PAM: variants seen among roughly 807,000 people sequenced by gnomAD.
The protein encoded by PAM is peptidylglycine alpha-amidating monooxygenase.
A neutral mutation model predicts 122.1 loss-of-function variants in PAM; 72 were observed. That is an observed-to-expected ratio of 0.59 (90% CI 0.49 to 0.72). The LOEUF (loss-of-function observed/expected upper bound fraction) is 0.72, where lower values mean the gene tolerates loss of function less well. Among genes scored for constraint, PAM ranks in the 30% least tolerant of loss-of-function variants. The probability of loss-of-function intolerance (pLI) is 0.00; values close to 1 mark genes in which losing one functional copy is unlikely to be tolerated. For missense variants in PAM, 1,106 were observed against 1,183.7 expected (o/e 0.93, Z 0.96); for synonymous variants, 389 against 404.4 (o/e 0.96, Z 0.46).
At chr5:103,008,610 C>T (rs1582856350) in intron 20 of PAM, among the ~76,000 whole-genome samples, 1 of 152,016 alleles carries the variant, frequency 6.6e-6, no homozygotes, top group East Asian at 1.9e-4. Flanking sequence ...TTATAAGTTG[C>T]ATATGGCTAC....
chr5:102,829,201 A>T lies in PAM; in HGVS notation c.-373-36622A>T, dbSNP rs531454600. The stretch of plus-strand genomic sequence containing the variant: ...GGTTGTGTACTCTAAATTTTGACCG[A>T]AAGTCATACGTACAAAATGTATTCT... On this transcript the variant is annotated intron_variant, in intron 1 of 25. Transcript: ENST00000438793. Among the ~76,000 whole-genome samples the T allele has an allele frequency of 2.6e-4, 40 of 152,290 alleles. No individual in the cohort carries two copies. In the South Asian group the frequency reaches 6.4e-3, roughly 25 times the overall value.
intron 7 of PAM, among the ~76,000 whole-genome samples, chr5:102,928,274 A>G (rs1446016899): frequency 6.6e-6 from 1 of 152,182 alleles, no homozygotes; most frequent in African/African-American, 2.4e-5. Context: ...AAAACACATG[A>G]TATATGCTTG....
chr5:102,961,026 T>C (rs2150237874), intron 13 of PAM, 132 bp from the exon 14 acceptor site: 1 of 438,844 alleles, frequency 2.3e-6, no homozygotes, highest in East Asian at 4.1e-5. Context: ...TTCTGTCTTA[T>C]AAATTCTTAA....
intron 3 of PAM, among the ~76,000 whole-genome samples, chr5:102,893,013 G>T (rs1466322252): frequency 1.3e-5 from 2 of 151,686 alleles, no homozygotes; most frequent in African/African-American, 4.8e-5. Context: ...TGTGACCTCT[G>T]GGTATCAAGG....
chr5:102,803,633 AT>A (rs1486948282), intron 1 of PAM, among the ~76,000 whole-genome samples: 1 of 151,994 alleles, frequency 6.6e-6, no homozygotes, highest in Non-Finnish European at 1.5e-5. Context: ...TTTGTTTTTC[AT>A]TTCTAAAAGT....
chr5:102,923,803 G>T (rs1581737920), intron 5 of PAM, among the ~76,000 whole-genome samples: 1 of 152,284 alleles, frequency 6.6e-6, no homozygotes, highest in East Asian at 1.9e-4. Flanking sequence ...CTAAGGGGTG[G>T]TTCTAAAATT....
intron 17 of PAM, among the ~76,000 whole-genome samples, chr5:103,003,848 G>C (rs3756582): frequency 0.25 from 37,932 of 151,798 alleles, 5,251 homozygotes; most frequent in East Asian, 0.44. Flanking sequence ...CCGTCTCAAA[G>C]TGAATACTAA....
rs996672144 is a variant in PAM at position 103,017,717 on chromosome 5, G to A, written c.2431+284G>A. ...TCCAGCTTAGTTCCAGAAGGAGAGA[G>A]GGGGCTTTGGCAAAGCAGAGGGGCT... On this transcript the variant is annotated intron_variant, in intron 22 of 25. Transcript: ENST00000438793. Among the ~76,000 whole-genome samples the A allele has an allele frequency of 2.6e-5, 4 of 152,168 alleles. No individual in the cohort carries two copies. In the East Asian group the frequency reaches 7.7e-4, roughly 29 times the overall value.
At chr5:102,958,992 G>A (rs1933759511) in intron 12 of PAM, among the ~76,000 whole-genome samples, 1 of 152,154 alleles carries the variant, frequency 6.6e-6, no homozygotes, top group East Asian at 1.9e-4. Context: ...TTGTGAAGGT[G>A]TACTTAAATG....
Position 102,990,385 on chromosome 5 carries a change from C to A in PAM, c.1597C>A (p.His533Asn). The A allele has an allele frequency of 6.2e-7, 1 of 1,601,224 alleles. No individual in the cohort carries two copies. The highest frequency in any genetic ancestry group is 1.1e-5 in the South Asian group (1 of 88,764). Reference sequence around the variant, plus strand: ...CCTGGTGATTTTCCACAGAGGTGACCATGTCTGGGATGGAAAGTAAGTAAT... The same window carrying A: ...CCTGGTGATTTTCCACAGAGGTGACAATGTCTGGGATGGAAAGTAAGTAAT... ...NNLVIFHRGD[H>N]VWDGNSFDSK... is the part of the protein sequence containing the mutation. Residue 533 changes from histidine to asparagine, a missense_variant, in exon 16 of 26, where the codon CAT becomes AAT. Around this residue, in one of 3 missense-constraint regions of PAM, gnomAD observed 670 missense variants for 690.3 expected, o/e 0.97. Coordinates refer to ENST00000438793, the MANE Select transcript of PAM (RefSeq NM_001177306.2).
intron 18 of PAM, among the ~76,000 whole-genome samples, chr5:103,005,531 A>G (rs1778694444): frequency 6.6e-6 from 1 of 152,168 alleles, no homozygotes; most frequent in African/African-American, 2.4e-5. Flanking sequence ...CTAATTTCTC[A>G]TAGTATCCTT....
intron 1 of PAM, among the ~76,000 whole-genome samples, chr5:102,859,128 T>C (rs1204484314): frequency 6.6e-6 from 1 of 152,212 alleles, no homozygotes; most frequent in Non-Finnish European, 1.5e-5. Flanking sequence ...ATTTTGTCTT[T>C]ATTTTAGAGT....
intron 1 of PAM, among the ~76,000 whole-genome samples, chr5:102,793,228 G>C (rs888593004): frequency 6.6e-6 from 1 of 152,128 alleles, no homozygotes; most frequent in Non-Finnish European, 1.5e-5. Context: ...TAATGTTTAA[G>C]TTAAAGACTT....
At chr5:103,005,628 T>G (rs1175994035) in intron 18 of PAM, among the ~76,000 whole-genome samples, 1 of 152,188 alleles carries the variant, frequency 6.6e-6, no homozygotes, top group Non-Finnish European at 1.5e-5. Context: ...TACCCTTTTG[T>G]CCTGATTACC....
chr5:102,783,934 T>A (rs562952569), intron 1 of PAM, among the ~76,000 whole-genome samples: 2 of 151,936 alleles, frequency 1.3e-5, no homozygotes, highest in Admixed American at 6.6e-5. Flanking sequence ...TCTCGCTCTG[T>A]CACCCAGGCT....
chr5:102,853,163 G>A (rs1488604652), intron 1 of PAM, among the ~76,000 whole-genome samples: 1 of 152,160 alleles, frequency 6.6e-6, no homozygotes, highest in Non-Finnish European at 1.5e-5. Flanking sequence ...AAGACATATA[G>A]TACCTGTCAG....
chr5:102,866,455 C>G (rs1581114679), intron 2 of PAM, 171 bp downstream of exon 2: 2 of 601,350 alleles, frequency 3.3e-6, no homozygotes, highest in East Asian at 5.8e-5. Context: ...AAGCCCACTG[C>G]ATTGTAGCCA....
At chr5:102,810,783 G>C (rs1032849771) in intron 1 of PAM, among the ~76,000 whole-genome samples, 12 of 152,168 alleles carry the variant, frequency 7.9e-5, no homozygotes, top group Admixed American at 2.0e-4. Context: ...AGCCGAGATC[G>C]CGCCATTGCA....
intron 3 of PAM, among the ~76,000 whole-genome samples, chr5:102,872,407 AC>A (rs1273026957): frequency 6.6e-6 from 1 of 152,226 alleles, no homozygotes; most frequent in Non-Finnish European, 1.5e-5. Context: ...AAATACTCCT[AC>A]AAAATGTTCT....
Sources: gnomAD v4.1 joint callset for allele counts (sites outside exome capture counted in the v4.1 genomes callset) on GRCh38, gnomAD v4.1.1 for gene constraint, gnomAD v4.1.1 regional missense constraint, MANE v1.5 for transcripts, NCBI Gene and HGNC (gene_info 2026-07-23, HGNC 2026-07-21) for gene names.